The following N4BP2 variants were observed in gnomAD, a reference collection of about 807,000 sequenced individuals.
The protein encoded by N4BP2 is NEDD4 binding protein 2, also known as NEDD4-binding protein 2.
Under a neutral mutation model 152.8 loss-of-function variants are expected in N4BP2, and 91 were observed. The observed-to-expected ratio is 0.60, with a 90% CI of 0.50 to 0.71. The LOEUF is 0.71. Among genes scored for constraint, N4BP2 ranks in the 30% least tolerant of loss-of-function variants. The probability of loss-of-function intolerance (pLI) is 0.00; values close to 1 mark genes in which losing one functional copy is unlikely to be tolerated. For synonymous variants in N4BP2, 646 were observed against 705.3 expected, an observed-to-expected ratio of 0.92 and a Z score of 1.33; for missense variants, 1,923 against 2,059.1, an observed-to-expected ratio of 0.93 and a Z score of 1.28.
In N4BP2 at chr4:40,102,364, T is replaced by C; in HGVS notation, c.519T>C (p.Phe173=). The C allele has an allele frequency of 6.2e-7, 1 of 1,613,206 alleles. No individual in the cohort carries two copies. The highest frequency in any genetic ancestry group is 8.5e-7 in the Non-Finnish European group (1 of 1,179,760). ...TGCCTTCACAAGATGTTAATAGTTT[T>C]AATGACTCAAGTGAGTTTATAAATC... ...SFLPSQDVNS[F]NDSSEFINPD... Residue 173 remains phenylalanine, a synonymous_variant, in exon 4 of 18, where the codon TTT becomes TTC. Transcript: ENST00000261435.
At chr4:40,132,059 G>GATTAGGAGAGACTAC in intron 13 of N4BP2, 140 bp downstream of exon 13, 1 of 640,998 alleles carries the variant, frequency 1.6e-6, no homozygotes. Flanking sequence ...AAGACCCACA[G>GATTAGGAGAGACTAC]TGGGTGCATG....
At chr4:40,106,869 T>C in intron 4 of N4BP2, 31 bp from the exon 5 acceptor site, 1 of 1,562,960 alleles carries the variant, frequency 6.4e-7, no homozygotes, top group South Asian at 1.2e-5. Context: ...GAAGAAAAGG[T>C]AATGAAAATT....
rs1329168292 is a variant in N4BP2 at position 40,103,199 on chromosome 4, G to A, written c.1354G>A (p.Gly452Arg). 6.2e-7 allele frequency: 1 copy of A among 1,604,404 alleles called. No individual in the cohort carries two copies. Among genetic ancestry groups the A allele is most frequent in the East Asian group, 2.2e-5 (1 of 44,788 alleles). Residue 452 changes from glycine (G) to arginine (R), a missense_variant, in exon 4 of 18, where the codon GGA becomes AGA. Physicochemically the swap from Gly to Arg is moderately radical, Grantham distance 125. Coordinates refer to ENST00000261435, the MANE Select transcript of N4BP2 (RefSeq NM_018177.6). ...LVLLRGLPGS[G>R]KSFLARTLQE... is the part of the protein sequence containing the mutation. ...TCTTCTCAGAGGTCTTCCGGGATCT[G>A]GAAAATCTTTTTTGGCAAGGTATGA...
chr4:40,093,107 C>A, intron 2 of N4BP2, among the ~76,000 whole-genome samples: 1 of 151,416 alleles, frequency 6.6e-6, no homozygotes, highest in Non-Finnish European at 1.5e-5. Context: ...CCATGGCCAG[C>A]TAATTTTTGT....
Position 40,056,858 on chromosome 4 carries a change from C to T in N4BP2, c.-384C>T, listed in dbSNP as rs1034714008. 4 of 152,142 alleles carry T rather than the reference C, an allele frequency of 2.6e-5. No individual in the cohort carries two copies. Among genetic ancestry groups the T allele is most frequent in the African/African-American group, 9.6e-5 (4 of 41,556 alleles). The allele number at this position is 152,142 out of a possible 1,614,324, so 9.4% of individuals were successfully genotyped here. A position where few individuals can be genotyped will look rare whatever the true frequency, so the allele number is the denominator to read the frequency against. ...GCCGGACGGAGAGCGGCAGTGTCTC[C>T]CCGCCGGGCGCGCTCGCCGTGTCTC... On this transcript the variant is annotated 5_prime_UTR_variant, in exon 1 of 18. Transcript: ENST00000261435.
At chr4:40,150,951 C>T (rs930385143) in intron 16 of N4BP2, among the ~76,000 whole-genome samples, 8 of 151,970 alleles carry the variant, frequency 5.3e-5, no homozygotes, top group African/African-American at 1.7e-4. Flanking sequence ...TAAAGGAGTC[C>T]TTATCTTTTA....
Position 40,102,518 on chromosome 4 carries a change from A to G in N4BP2, c.673A>G (p.Lys225Glu), listed in dbSNP as rs1715774498. The G allele has an allele frequency of 6.2e-7, 1 of 1,614,114 alleles. No individual in the cohort carries two copies. Among genetic ancestry groups the G allele is most frequent in the Non-Finnish European group, 8.5e-7 (1 of 1,180,038 alleles). ...TTCACATTCAGTTTTGAACGAGTCC[A>G]AGTGTTTTATAAAGGATAACACATT... Reference protein sequence around the residue: ...LPSHSVLNESKCFIKDNTLAL... With the variant: ...LPSHSVLNESECFIKDNTLAL... The change falls in exon 4 of 18, where the codon AAG becomes GAG. Residue 225 changes from lysine to glutamate, a missense_variant. Physicochemically the swap from Lys to Glu is moderately conservative, Grantham distance 56. Coordinates refer to ENST00000261435, the MANE Select transcript of N4BP2 (RefSeq NM_018177.6).
Position 40,106,885 on chromosome 4 carries a change from A to T in N4BP2, c.1374-15A>T. On this transcript the variant is annotated splice_polypyrimidine_tract_variant and intron_variant, in intron 4 of 17. Coordinates refer to ENST00000261435, the MANE Select transcript of N4BP2 (RefSeq NM_018177.6). ...AAGAAAAGGTAATGAAAATTATTTC[A>T]TTTATCTTTCACAGGACTTTGCAAG... 1 of 1,577,010 alleles carries T rather than the reference A, an allele frequency of 6.3e-7. No individual in the cohort carries two copies. Among genetic ancestry groups the T allele is most frequent in the Non-Finnish European group, 8.6e-7 (1 of 1,162,014 alleles).
chr4:40,157,360 C>T lies in N4BP2; in HGVS notation c.*3123C>T, dbSNP rs546317110. On this transcript the variant is annotated 3_prime_UTR_variant, in exon 18 of 18. Coordinates refer to ENST00000261435, the MANE Select transcript of N4BP2 (RefSeq NM_018177.6). ...AGCAGAAATTTTGACTTTAAATCCT[C>T]TTGAGTAGTATATTTTGAGAAGAAA... 1 of 152,176 alleles carries T rather than the reference C, an allele frequency of 6.6e-6. No homozygotes were observed. The highest frequency in any genetic ancestry group is 6.5e-5 in the Admixed American group (1 of 15,290). The allele number at this position is 152,176 out of a possible 1,614,324, so 9.4% of individuals were successfully genotyped here.
the N4BP2 span, among the ~76,000 whole-genome samples, chr4:40,173,314 A>G: frequency 6.6e-6 from 1 of 152,194 alleles, no homozygotes; most frequent in Non-Finnish European, 1.5e-5. Context: ...AAAGCACCCC[A>G]TGATCACAAA....
At chr4:40,111,288 A>G (rs543286535) in intron 5 of N4BP2, among the ~76,000 whole-genome samples, 8 of 152,186 alleles carry the variant, frequency 5.3e-5, no homozygotes, top group African/African-American at 1.9e-4. Flanking sequence ...TAATTTTTCT[A>G]CTCAAGGTCT....
chr4:40,083,124 GAAAAAGGAAAAAAC>G, intron 2 of N4BP2: 2 of 137,034 alleles, frequency 1.5e-5, no homozygotes, highest in South Asian at 2.3e-4. Context: ...TGCAGACATA[GAAAAAGGAAAAAAC>G]AAAAGGAAAA....
chr4:40,085,803 C>A (rs1288104506), intron 2 of N4BP2, among the ~76,000 whole-genome samples: 2 of 151,962 alleles, frequency 1.3e-5, no homozygotes, highest in Non-Finnish European at 2.9e-5. Flanking sequence ...GTTGATAGGT[C>A]TAGAAAGACA....
the N4BP2 span, among the ~76,000 whole-genome samples, chr4:40,180,284 A>G: frequency 6.6e-6 from 1 of 152,246 alleles, no homozygotes; most frequent in Non-Finnish European, 1.5e-5. Flanking sequence ...TTTAGAGGAG[A>G]AATACAAATG....
At chr4:40,098,633 A>G (rs1038648743) in intron 3 of N4BP2, among the ~76,000 whole-genome samples, 2 of 152,204 alleles carry the variant, frequency 1.3e-5, no homozygotes, top group African/African-American at 4.8e-5. Context: ...TTGTCCAGTT[A>G]TGCATGTAGA....
chr4:40,098,870 G>C (rs1246818046), intron 3 of N4BP2, among the ~76,000 whole-genome samples: 1 of 152,114 alleles, frequency 6.6e-6, no homozygotes, highest in Non-Finnish European at 1.5e-5. Context: ...TTTGAGATTT[G>C]AGTGGTGGAA....
chr4:40,104,931 A>C (rs1716105614), intron 4 of N4BP2, among the ~76,000 whole-genome samples: 1 of 151,572 alleles, frequency 6.6e-6, no homozygotes, highest in Non-Finnish European at 1.5e-5. Flanking sequence ...CGGCCTCCGG[A>C]GTAGCGGGAC....
Position 40,154,175 on chromosome 4 carries a change from T to C in N4BP2, c.5268-17T>C. The C allele has an allele frequency of 6.3e-7, 1 of 1,585,078 alleles. No homozygotes were observed. The highest frequency in any genetic ancestry group is 8.6e-7 in the Non-Finnish European group (1 of 1,160,118). Reference sequence around the variant, plus strand: ...GAAATTTTCATCTTTAAAATAACTCTTTTCTCATTTCTGCAGGTTCTCTGA... The same window carrying C: ...GAAATTTTCATCTTTAAAATAACTCCTTTCTCATTTCTGCAGGTTCTCTGA... On this transcript the variant is annotated splice_polypyrimidine_tract_variant and intron_variant, in intron 17 of 17. Transcript: ENST00000261435.
the N4BP2 span, among the ~76,000 whole-genome samples, chr4:40,184,037 C>A: frequency 5.3e-5 from 8 of 152,300 alleles, no homozygotes; most frequent in East Asian, 1.5e-3. Flanking sequence ...CTCATAGCTG[C>A]AGGGGAAGCT....
Sources: gnomAD v4.1 joint callset for allele counts (sites outside exome capture counted in the v4.1 genomes callset) on GRCh38, gnomAD v4.1.1 for gene constraint, MANE v1.5 for transcripts, NCBI Gene and HGNC (gene_info 2026-07-23, HGNC 2026-07-21) for gene names.